Variants in COL10A1 observed in about 807,000 individuals in gnomAD.
The protein encoded by COL10A1 is collagen alpha-1(X) chain.
In COL10A1, 10 loss-of-function variants were observed where a neutral mutation model predicts 18.2. The observed-to-expected ratio is 0.55, with a 90% CI of 0.34 to 0.93. COL10A1 has a LOEUF of 0.93. COL10A1 is among the 40% of genes least tolerant of loss of function. The pLI is 0.02. For missense variants in COL10A1, 897 were observed against 853.5 expected (o/e 1.05, Z -0.64); for synonymous variants, 330 against 316.6 (o/e 1.04, Z -0.45).
rs144651634 is a variant in COL10A1, at chr6:116,122,385, G to A, written c.155-424C>T. On this transcript the variant is annotated intron_variant, in intron 2 of 2. Coordinates refer to ENST00000651968, the MANE Select transcript of COL10A1 (RefSeq NM_000493.4). ...CAAAGCTACCCTGTCAGACATAAAA[G>A]AGAAACAGAATTAATTCTGATTTAC... Among the ~76,000 whole-genome samples the A allele has an allele frequency of 2.8e-3, 429 of 152,276 alleles. 1 individual carries two copies. The highest frequency in any genetic ancestry group is 9.4e-3 in the African/African-American group (392 of 41,566).
Position 116,119,365 on chromosome 6 carries a change from T to C in COL10A1, c.*708A>G, listed in dbSNP as rs1327673020. On this transcript the variant is annotated 3_prime_UTR_variant, in exon 3 of 3. Coordinates refer to ENST00000651968, the MANE Select transcript of COL10A1 (RefSeq NM_000493.4). ...ATACCTGTTTCCAAGTTATGCTGGG[T>C]ATATAAAAAGCTTCTCTGCAATCAT... is the stretch of plus-strand genomic sequence containing the variant. The C allele has an allele frequency of 7.9e-5, 12 of 152,428 alleles. No homozygotes were observed. The highest frequency in any genetic ancestry group is 1.5e-5 in the Non-Finnish European group (1 of 68,060). The allele number at this position is 152,428 out of a possible 1,614,324, so 9.4% of individuals were successfully genotyped here.
At position 116,121,615 on chromosome 6, in the gene COL10A1, TG is replaced by T. The variant is rs764985555; in HGVS notation, c.500del (p.Pro167GlnfsTer18). 6.2e-7 allele frequency: 1 copy of T among 1,613,978 alleles called. No individual in the cohort carries two copies. On this transcript the variant is annotated frameshift_variant, in exon 3 of 3. Transcript: ENST00000651968. LOFTEE classifies it low-confidence loss of function (END_TRUNC). ...KPGQQGPTGA[P>X]GPRGFPGEKG... ...TTTCTCCAGGAAAGCCCCTGGGTCC[TG>T]GGGCTCCTGTGGGTCCCTGTTGTCC...
At chr6:116,209,692 G>GT in the COL10A1 span, among the ~76,000 whole-genome samples, 5 of 151,490 alleles carry the variant, frequency 3.3e-5, no homozygotes, top group African/African-American at 9.7e-5. Context: ...GTTTATTTGG[G>GT]GTTTTTTTTC....
chr6:116,210,940 C>G, the COL10A1 span, among the ~76,000 whole-genome samples: 1 of 151,932 alleles, frequency 6.6e-6, no homozygotes, highest in Non-Finnish European at 1.5e-5. Context: ...ATGAATCATG[C>G]CTCCCAGAAG....
chr6:116,180,062 G>A, the COL10A1 span, among the ~76,000 whole-genome samples: 1 of 152,030 alleles, frequency 6.6e-6, no homozygotes, highest in Non-Finnish European at 1.5e-5. Context: ...CTATAACTGT[G>A]TTGAATTTAT....
the COL10A1 span, among the ~76,000 whole-genome samples, chr6:116,186,468 T>C: frequency 0.051 from 7,750 of 152,052 alleles, 215 homozygotes; most frequent in Non-Finnish European, 0.061. Flanking sequence ...CCCTCAAACA[T>C]GTTTCCCAGA....
At chr6:116,174,599 G>T in the COL10A1 span, among the ~76,000 whole-genome samples, 4 of 152,186 alleles carry the variant, frequency 2.6e-5, no homozygotes, top group African/African-American at 7.2e-5. Context: ...AAACTTGTGT[G>T]AAGATTAGGT....
At chr6:116,209,160 A>G in the COL10A1 span, among the ~76,000 whole-genome samples, 103 of 152,156 alleles carry the variant, frequency 6.8e-4, no homozygotes, top group African/African-American at 2.5e-3. Flanking sequence ...ATTAAATACT[A>G]CATATCAGGA....
chr6:116,125,656 T>A, intron 1 of COL10A1, 149 bp from the exon 2 acceptor site: 3 of 640,350 alleles, frequency 4.7e-6, no homozygotes, highest in Non-Finnish European at 7.7e-6. Flanking sequence ...AAATGAGAGA[T>A]CATTTTTTAG....
intron 1 of COL10A1, among the ~76,000 whole-genome samples, chr6:116,147,668 CTG>C (rs1779932741): frequency 6.6e-6 from 1 of 152,054 alleles, no homozygotes. Flanking sequence ...CAAATAGAAA[CTG>C]TTACAAGACT....
intron 1 of COL10A1, among the ~76,000 whole-genome samples, chr6:116,150,189 T>C (rs1419737702): frequency 6.6e-6 from 1 of 152,224 alleles, no homozygotes; most frequent in Non-Finnish European, 1.5e-5. Flanking sequence ...TGTATGTTTT[T>C]AAAACATTAC....
chr6:116,154,587 A>T (rs1780134772), intron 1 of COL10A1, among the ~76,000 whole-genome samples: 1 of 152,222 alleles, frequency 6.6e-6, no homozygotes, highest in African/African-American at 2.4e-5. Flanking sequence ...TAGAACAGTG[A>T]GGTGGTGTTT....
At position 116,141,170 on chromosome 6, in the gene COL10A1, A is replaced by T. The variant is rs527508993; in HGVS notation, c.-15-15663T>A. Among the ~76,000 whole-genome samples, 3 of 152,182 alleles carry T rather than the reference A, an allele frequency of 2.0e-5. No homozygotes were observed. The South Asian group carries it at 6.2e-4, about 32-fold the overall frequency. ...TTGTATTTGTATGATACTGATTCGAATGATGGTGAGCATTATTTTTATATG... is the reference window on the plus strand; with the variant it reads ...TTGTATTTGTATGATACTGATTCGATTGATGGTGAGCATTATTTTTATATG... On this transcript the variant is annotated intron_variant, in intron 1 of 1. Coordinates refer to the COL10A1 transcript ENST00000418500.
chr6:116,140,837 C>T (rs1011403462), intron 1 of COL10A1, among the ~76,000 whole-genome samples: 1 of 152,104 alleles, frequency 6.6e-6, no homozygotes, highest in South Asian at 2.1e-4. Context: ...TTTCACTGCT[C>T]TGTAGTTTAC....
the COL10A1 span, among the ~76,000 whole-genome samples, chr6:116,182,800 G>T: frequency 9.9e-5 from 15 of 152,024 alleles, no homozygotes; most frequent in Non-Finnish European, 1.3e-4. Context: ...TTTGTTGGAT[G>T]TATAGATTGT....
At chr6:116,152,483 ACCC>A (rs907126030) in intron 1 of COL10A1, among the ~76,000 whole-genome samples, 3 of 151,978 alleles carry the variant, frequency 2.0e-5, no homozygotes, top group Admixed American at 6.6e-5. Flanking sequence ...GTGATTATCT[ACCC>A]CACCGTGCCA....
At position 116,121,158 on chromosome 6, in the gene COL10A1, C is replaced by A. The variant is rs750527856; in HGVS notation, c.958G>T (p.Gly320Cys). 1 of 1,613,204 alleles carries A rather than the reference C, an allele frequency of 6.2e-7. No individual in the cohort carries two copies. Among genetic ancestry groups the A allele is most frequent in the Non-Finnish European group, 8.5e-7 (1 of 1,179,602 alleles). The change falls in exon 3 of 3, where the codon GGT (glycine) becomes TGT (cysteine). Residue 320 changes from glycine (G) to cysteine (C), a missense_variant. Physicochemically the swap from Gly to Cys is radical, Grantham distance 159. Transcript: ENST00000651968. Reference sequence around the variant, plus strand: ...GCTGGCCCTTGTTCCCCTTTGGCACCTGGACCCCCAGGAAGGCCAGCAGGT... The same window carrying A: ...GCTGGCCCTTGTTCCCCTTTGGCACATGGACCCCCAGGAAGGCCAGCAGGT... ...RGPAGLPGGP[G>C]AKGEQGPAGL...
chr6:116,158,859 T>G (rs1393937284), upstream of COL10A1: 1 of 152,216 alleles, frequency 6.6e-6, no homozygotes, highest in East Asian at 1.9e-4. Flanking sequence ...TTCTGATTCA[T>G]TTCCAGGAGA....
the COL10A1 span, among the ~76,000 whole-genome samples, chr6:116,214,706 A>G: frequency 6.6e-6 from 1 of 152,122 alleles, no homozygotes; most frequent in Non-Finnish European, 1.5e-5. Context: ...TTGAAATATC[A>G]TATTCAAAAT....
Sources: gnomAD v4.1 joint callset for allele counts (sites outside exome capture counted in the v4.1 genomes callset) on GRCh38, gnomAD v4.1.1 for gene constraint, MANE v1.5 for transcripts, NCBI Gene and HGNC (gene_info 2026-07-23, HGNC 2026-07-21) for gene names.